Variants in AP3B2 observed in about 807,000 individuals in gnomAD.
The protein encoded by AP3B2 is adaptor related protein complex 3 subunit beta 2.
Under a neutral mutation model 126.9 loss-of-function variants are expected in AP3B2, and 50 were observed. The observed-to-expected ratio is 0.39, with a 90% CI of 0.31 to 0.50. AP3B2 has a LOEUF of 0.50. AP3B2 is among the 20% of genes least tolerant of loss of function. The pLI is 0.79. For missense variants in AP3B2, 1,177 were observed against 1,426.4 expected (o/e 0.83, Z 2.82); for synonymous variants, 541 against 565.0 (o/e 0.96, Z 0.60).
intron 14 of AP3B2, among the ~76,000 whole-genome samples, chr15:82,672,248 T>C (rs1337567715): frequency 2.6e-5 from 4 of 152,126 alleles, no homozygotes; most frequent in African/African-American, 9.7e-5. Context: ...ATACGGTACA[T>C]ATGCACAATG....
At chr15:82,693,136 T>C (rs946307557) in intron 1 of AP3B2, among the ~76,000 whole-genome samples, 16 of 152,138 alleles carry the variant, frequency 1.1e-4, no homozygotes, top group Admixed American at 3.3e-4. Context: ...ATGGGGGGAA[T>C]TTCATAAAAG....
At position 82,677,343 on chromosome 15, in the gene AP3B2, C is replaced by G. The variant is rs1237221553; in HGVS notation, c.1419G>C (p.Leu473Phe). ...CATGTTGTGCTGGCTGCATCTGTAG[C>G]AATTTCTTAATGACGACCACTGACT... is the stretch of plus-strand genomic sequence containing the variant. ...VAESVVVIKK[L>F]LQMQPAQHGE... is the part of the protein sequence containing the mutation. The change falls in exon 13 of 27, where the codon TTG becomes TTC. Residue 473 changes from leucine to phenylalanine, a missense_variant. Leu to Phe is a conservative substitution (Grantham distance 22, BLOSUM62 0). Transcript: ENST00000535359. The G allele has an allele frequency of 6.2e-7, 1 of 1,613,964 alleles. No homozygotes were observed. The highest frequency in any genetic ancestry group is 1.7e-5 in the Admixed American group (1 of 60,012).
chr15:82,709,585 C>T lies in AP3B2; in HGVS notation c.113+9G>A, dbSNP rs750368925. 7.4e-6 allele frequency: 11 copies of T among 1,489,674 alleles called. No homozygotes were observed. In the East Asian group the frequency reaches 3.2e-4, roughly 44 times the overall value. The allele number at this position is 1,489,674 out of a possible 1,614,324, so 92.3% of individuals were successfully genotyped here. A position where few individuals can be genotyped will look rare whatever the true frequency, so the allele number is the denominator to read the frequency against. ...ACCCTCCCGCGAGCTTCCTGGCGGG[C>T]TCCCTCACCGCTTGTAGTCGGAGGA... On this transcript the variant is annotated intron_variant, in intron 1 of 26. Coordinates refer to ENST00000535359, the MANE Select transcript of AP3B2 (RefSeq NM_001278512.2).
chr15:82,672,147 C>T (rs907092197), intron 14 of AP3B2, among the ~76,000 whole-genome samples: 34 of 152,184 alleles, frequency 2.2e-4, no homozygotes, highest in African/African-American at 8.0e-4. Context: ...GAAGTTATAT[C>T]TGCACACCTA....
chr15:82,685,405 A>G (rs2048410512), intron 4 of AP3B2: 1 of 152,266 alleles, frequency 6.6e-6, no homozygotes, highest in South Asian at 2.1e-4. Flanking sequence ...AATGACGGGA[A>G]TAGAACACTA....
rs1175903194 is a variant in AP3B2, at chr15:82,670,017, A to C, written c.1666-3084T>G. Among the ~76,000 whole-genome samples the C allele has an allele frequency of 6.9e-5, 10 of 144,104 alleles. 1 individual carries two copies. Among genetic ancestry groups the C allele is most frequent in the Non-Finnish European group, 1.1e-4 (7 of 65,374 alleles). The allele number at this position is 144,104 out of a possible 152,430, so 94.5% of individuals were successfully genotyped here. A position where few individuals can be genotyped will look rare whatever the true frequency, so the allele number is the denominator to read the frequency against. The stretch of plus-strand genomic sequence containing the variant: ...GAACTCCATCTCAAAAAAAAAAAAA[A>C]AAAAAAACCCATTGCACTCCAGCCT... On this transcript the variant is annotated intron_variant, in intron 14 of 26. Coordinates refer to ENST00000535359, the MANE Select transcript of AP3B2 (RefSeq NM_001278512.2).
rs764338728 is a variant in AP3B2 at position 82,677,286 on chromosome 15, T to C, written c.1476A>G (p.Thr492=). The change falls in exon 13 of 27, where the codon ACA becomes ACG. Residue 492 remains threonine (T), a synonymous_variant. Coordinates refer to ENST00000535359, the MANE Select transcript of AP3B2 (RefSeq NM_001278512.2). The part of the protein sequence containing the change: ...GEIIKHLAKL[T]DNIQVPMARA... Reference sequence around the variant, plus strand: ...GCTTCTCCCTCACCTGGATGTTGTCTGTAAGCTTTGCCAAGTGTTTGATGA... The same window carrying C: ...GCTTCTCCCTCACCTGGATGTTGTCCGTAAGCTTTGCCAAGTGTTTGATGA... 1.9e-6 allele frequency: 3 copies of C among 1,613,460 alleles called. No individual in the cohort carries two copies. Among genetic ancestry groups the C allele is most frequent in the Non-Finnish European group, 2.5e-6 (3 of 1,179,658 alleles).
Position 82,662,845 on chromosome 15 carries a change from G to A in AP3B2, c.2682C>T (p.Tyr894=). Residue 894 remains tyrosine (Y), a synonymous_variant, in exon 23 of 27, where the codon TAC becomes TAT. Transcript: ENST00000535359. ...CGGAGAAAGGTTGGCGGCTGAAGGT[G>A]TAGTCCACAGCCAGCCCCTCGCCAG... ...RVAGEGLAVD[Y]TFSRQPFSGD... is the part of the protein sequence containing the mutation. 3 of 1,613,724 alleles carry A rather than the reference G, an allele frequency of 1.9e-6. No homozygotes were observed. The highest frequency in any genetic ancestry group is 1.1e-5 in the South Asian group (1 of 91,010).
At chr15:82,703,658 T>G (rs2048754472) in intron 1 of AP3B2, among the ~76,000 whole-genome samples, 1 of 152,096 alleles carries the variant, frequency 6.6e-6, no homozygotes, top group African/African-American at 2.4e-5. Context: ...ATCTAGATAA[T>G]TCTTGTTGTA....
intron 22 of AP3B2, 93 bp from the exon 23 acceptor site, chr15:82,663,015 C>A: frequency 1.3e-6 from 2 of 1,500,682 alleles, no homozygotes; most frequent in East Asian, 2.4e-5. Flanking sequence ...AGCTGGGACT[C>A]AAAGCTATCA....
intron 14 of AP3B2, among the ~76,000 whole-genome samples, chr15:82,667,466 T>TTA (rs2048079680): frequency 1.4e-4 from 22 of 152,234 alleles, no homozygotes; most frequent in Admixed American, 1.4e-3. Flanking sequence ...GAGGTCTTTA[T>TTA]CCTTCCCTGG....
chr15:82,683,435 T>C (rs942018863), intron 4 of AP3B2, among the ~76,000 whole-genome samples: 5 of 152,212 alleles, frequency 3.3e-5, no homozygotes, highest in African/African-American at 9.6e-5. Flanking sequence ...ATCATGAGAT[T>C]GCAGCAATTC....
Position 82,662,594 on chromosome 15 carries a change from G to A in AP3B2, c.2833+100C>T, listed in dbSNP as rs556364548. The A allele has an allele frequency of 1.5e-5, 17 of 1,139,086 alleles. No individual in the cohort carries two copies. The African/African-American group carries it at 2.2e-4, about 14-fold the overall frequency. The allele number at this position is 1,139,086 out of a possible 1,614,324, so 70.6% of individuals were successfully genotyped here. A position where few individuals can be genotyped will look rare whatever the true frequency, so the allele number is the denominator to read the frequency against. On this transcript the variant is annotated intron_variant, in intron 23 of 26. Transcript: ENST00000535359. ...TAGATGCTATCTCTGTGCCCCTATA[G>A]CTTGGCCCCTGGCCTGGCACAAGGA...
intron 1 of AP3B2, among the ~76,000 whole-genome samples, chr15:82,699,399 A>G (rs1270807003): frequency 6.6e-6 from 1 of 151,718 alleles, no homozygotes; most frequent in East Asian, 1.9e-4. Flanking sequence ...ATATTTTACT[A>G]TCCTCCTCCC....
rs777317758 is a variant in AP3B2 at position 82,664,008 on chromosome 15, G to A, written c.2262-33C>T. Reference sequence around the variant, plus strand: ...AGTGGGAAAGGTTGGCTCAGGCCTGGCCTGGACACTCCCTCCTTGCTTCAC... The same window carrying A: ...AGTGGGAAAGGTTGGCTCAGGCCTGACCTGGACACTCCCTCCTTGCTTCAC... On this transcript the variant is annotated intron_variant, in intron 19 of 26. Coordinates refer to ENST00000535359, the MANE Select transcript of AP3B2 (RefSeq NM_001278512.2). The surrounding 1 kb of genome is among the most constrained non-coding windows in gnomAD (Gnocchi z 4.5). 36 of 1,584,578 alleles carry A rather than the reference G, an allele frequency of 2.3e-5. No homozygotes were observed. The highest frequency in any genetic ancestry group is 8.6e-5 in the Admixed American group (5 of 58,310).
rs11539153 is a variant in AP3B2, at chr15:82,663,141, T to G, written c.2590A>C (p.Thr864Pro). Residue 864 changes from threonine (T) to proline (P), a missense_variant, in exon 22 of 27, where the codon ACC (threonine) becomes CCC (proline). Physicochemically the swap from Thr to Pro is conservative, Grantham distance 38. This residue lies in a region of AP3B2 where 587 missense variants were observed against 571.3 expected (regional missense o/e 1.03). Coordinates refer to ENST00000535359, the MANE Select transcript of AP3B2 (RefSeq NM_001278512.2). Reference sequence around the variant, plus strand: ...ATCCCACTCACCGACGGTACCAGGGTGGAGTCTGTGAGTGTCAGGCCCTCC... The same window carrying G: ...ATCCCACTCACCGACGGTACCAGGGGGGAGTCTGTGAGTGTCAGGCCCTCC... Reference protein sequence around the residue: ...DLEGLTLTDSTLVPSLLSPVS... With the variant: ...DLEGLTLTDSPLVPSLLSPVS... The G allele has an allele frequency of 1.2e-6, 2 of 1,610,262 alleles. No homozygotes were observed. Among genetic ancestry groups the G allele is most frequent in the Non-Finnish European group, 1.7e-6 (2 of 1,178,766 alleles).
chr15:82,689,540 T>C, intron 1 of AP3B2, 87 bp from the exon 2 acceptor site: 1 of 1,327,216 alleles, frequency 7.5e-7, no homozygotes, highest in Non-Finnish European at 1.1e-6. Flanking sequence ...AGAAGGGACA[T>C]GGCCAGGGGA....
Position 82,690,642 on chromosome 15 carries a change from C to CTTTTTTTT in AP3B2, c.114-1197_114-1190dup, listed in dbSNP as rs147811093. Among the ~76,000 whole-genome samples, 32 of 68,910 alleles carry CTTTTTTTT rather than the reference C, an allele frequency of 4.6e-4. 1 individual carries two copies. The highest frequency in any genetic ancestry group is 9.3e-4 in the African/African-American group (14 of 15,114). 45.2% of individuals were successfully genotyped at this position (68,910 alleles called of 152,430 possible). ...TGTATATGTGCCACATTTTCTTCTT[C>CTTTTTTTT]TTTTTTTTTTTTTTTTTTTTTTTTT... On this transcript the variant is annotated intron_variant, in intron 1 of 26. Transcript: ENST00000535359.
At chr15:82,678,202 G>T (rs779236445) in intron 10 of AP3B2, 35 bp from the exon 11 acceptor site, 8 of 1,605,372 alleles carry the variant, frequency 5.0e-6, no homozygotes, top group Non-Finnish European at 6.8e-6. Flanking sequence ...AAAATGGGTG[G>T]GTTGGCCAGT....
Sources: allele counts gnomAD v4.1 joint callset (sites outside exome capture counted in the v4.1 genomes callset), GRCh38; gene constraint gnomAD v4.1.1; regional missense constraint gnomAD v4.1.1; non-coding constraint Gnocchi (gnomAD v3.1); transcripts MANE v1.5; gene names NCBI Gene and HGNC (gene_info 2026-07-23, HGNC 2026-07-21).